CACNB1: variants seen among roughly 807,000 people sequenced by gnomAD.
CACNB1 encodes voltage-dependent L-type calcium channel subunit beta-1.
Under a neutral mutation model 71.6 loss-of-function variants are expected in CACNB1, and 29 were observed. The observed-to-expected ratio is 0.40, with a 90% CI of 0.30 to 0.55. The LOEUF is 0.55. Ranked by LOEUF, CACNB1 falls within the 20% of genes least tolerant of loss-of-function variation. The pLI, the probability that CACNB1 is intolerant of heterozygous loss-of-function variation, is 0.38. For synonymous variants in CACNB1, 300 were observed against 319.6 expected (o/e 0.94, Z 0.65); for missense variants, 623 against 801.8 (o/e 0.78, Z 2.69).
At chr17:39,195,199 C>T in intron 1 of CACNB1, 3 of 438,816 alleles carry the variant, frequency 6.8e-6, no homozygotes, top group Non-Finnish European at 1.2e-5. Flanking sequence ...GCAAGAGAGC[C>T]CCAGAAGACC....
intron 3 of CACNB1, among the ~76,000 whole-genome samples, chr17:39,190,531 G>A (rs1171518295): frequency 3.3e-5 from 5 of 152,086 alleles, no homozygotes; most frequent in Non-Finnish European, 7.4e-5. Flanking sequence ...TAGTTCAAGC[G>A]ATTCTGGTGC....
At chr17:39,176,255 C>T (rs1221978921) in intron 13 of CACNB1, among the ~76,000 whole-genome samples, 2 of 152,164 alleles carry the variant, frequency 1.3e-5, no homozygotes, top group African/African-American at 4.8e-5. Context: ...TGCTGGGTCT[C>T]CCCCTCCTAC....
chr17:39,187,917 G>A (rs1276948850), intron 3 of CACNB1, among the ~76,000 whole-genome samples: 3 of 152,122 alleles, frequency 2.0e-5, no homozygotes, highest in African/African-American at 7.2e-5. Flanking sequence ...GGAGGCTGAG[G>A]CAGGAGAGTT....
Position 39,175,107 on chromosome 17 carries a change from G to T in CACNB1, c.*86C>A. 9.0e-7 allele frequency: 1 copy of T among 1,110,020 alleles called. No individual in the cohort carries two copies. 68.8% of individuals were successfully genotyped at this position (1,110,020 alleles called of 1,614,324 possible). A position where few individuals can be genotyped will look rare whatever the true frequency, so the allele number is the denominator to read the frequency against. On this transcript the variant is annotated 3_prime_UTR_variant, in exon 14 of 14. Coordinates refer to ENST00000394303, the MANE Select transcript of CACNB1 (RefSeq NM_000723.5). The surrounding 1 kb of genome is among the most constrained non-coding windows in gnomAD (Gnocchi z 4.7). ...AAGGAGGGAGACAGCGCCCCCTGGA[G>T]GCGAATACATGTCAGGTGTGAGCCC...
Position 39,186,345 on chromosome 17 carries a change from C to T in CACNB1, c.628+151G>A. 1 of 648,330 alleles carries T rather than the reference C, an allele frequency of 1.5e-6. No individual in the cohort carries two copies. The highest frequency in any genetic ancestry group is 2.7e-6 in the Non-Finnish European group (1 of 371,086). The allele number at this position is 648,330 out of a possible 1,614,324, so 40.2% of individuals were successfully genotyped here. A position where few individuals can be genotyped will look rare whatever the true frequency, so the allele number is the denominator to read the frequency against. Reference sequence around the variant, plus strand: ...ATGACAGGCCCAGCTTGAGGGGTAGCCTACTCTTCATGGAGGGGGAACCAC... The same window carrying T: ...ATGACAGGCCCAGCTTGAGGGGTAGTCTACTCTTCATGGAGGGGGAACCAC... On this transcript the variant is annotated intron_variant, in intron 6 of 13. Coordinates refer to ENST00000394303, the MANE Select transcript of CACNB1 (RefSeq NM_000723.5). The surrounding 1 kb of genome is among the most constrained non-coding windows in gnomAD (Gnocchi z 4.1).
intron 9 of CACNB1, 26 bp downstream of exon 9, chr17:39,184,299 G>A (rs765061590): frequency 8.0e-6 from 12 of 1,492,822 alleles, no homozygotes; most frequent in Non-Finnish European, 1.0e-5. Context: ...AACGGCAGGT[G>A]CGAGGAGCAG....
chr17:39,191,755 G>A (rs2046086529), intron 2 of CACNB1, 162 bp from the exon 3 acceptor site: 2 of 645,498 alleles, frequency 3.1e-6, no homozygotes, highest in Middle Eastern at 4.0e-4. Flanking sequence ...GAAGGGACCA[G>A]GAGCTGAGAT....
intron 11 of CACNB1, among the ~76,000 whole-genome samples, chr17:39,180,431 G>A (rs2045723697): frequency 6.6e-6 from 1 of 151,966 alleles, no homozygotes; most frequent in Admixed American, 6.6e-5. Flanking sequence ...GAGACAGGTG[G>A]ATCTTTTGAG....
At chr17:39,178,301 C>T in intron 11 of CACNB1, 1 of 439,746 alleles carries the variant, frequency 2.3e-6, no homozygotes, top group Non-Finnish European at 4.1e-6. Context: ...GCCAGCCTTC[C>T]TTAGGGGCTA....
chr17:39,177,985 G>A lies in CACNB1; in HGVS notation c.1145C>T (p.Pro382Leu), dbSNP rs143114489. The change falls in exon 12 of 14, where the codon CCT becomes CTT. Residue 382 changes from proline (P) to leucine (L), a missense_variant and splice_region_variant. Transcript: ENST00000394303. ...CTTCCCTGGGATCTAGGCACTCACA[G>A]GGGGGCACTGTGCCAGCTTTTCCGA... ...AASEKLAQCP[P>L]EMFDIILDEN... is the part of the protein sequence containing the mutation. 1.2e-6 allele frequency: 2 copies of A among 1,610,708 alleles called. No individual in the cohort carries two copies. Among genetic ancestry groups the A allele is most frequent in the Non-Finnish European group, 1.7e-6 (2 of 1,176,898 alleles).
chr17:39,184,735 A>C (rs368010092), intron 8 of CACNB1, 49 bp downstream of exon 8: 19 of 1,270,192 alleles, frequency 1.5e-5, no homozygotes, highest in Non-Finnish European at 1.8e-5. Context: ...TGGGGTCTGA[A>C]GATCTTTCTA....
At position 39,184,272 on chromosome 17, in the gene CACNB1, C is replaced by A. The variant is rs1597699142; in HGVS notation, c.788+53G>T. 4.5e-6 allele frequency: 6 copies of A among 1,336,754 alleles called. No homozygotes were observed. The East Asian group carries it at 1.2e-4, about 28-fold the overall frequency. 82.8% of individuals were successfully genotyped at this position (1,336,754 alleles called of 1,614,324 possible). A position where few individuals can be genotyped will look rare whatever the true frequency, so the allele number is the denominator to read the frequency against. On this transcript the variant is annotated intron_variant, in intron 9 of 13. Transcript: ENST00000394303. ...TTGTGATTCGAGGCATCCTGCCCATCCCCAGCAGCAGAGAGCAACGGCAGG... is the reference window on the plus strand; with the variant it reads ...TTGTGATTCGAGGCATCCTGCCCATACCCAGCAGCAGAGAGCAACGGCAGG...
chr17:39,187,030 C>A (rs776379458), intron 4 of CACNB1, 101 bp from the exon 5 acceptor site: 101 of 1,318,250 alleles, frequency 7.7e-5, no homozygotes, highest in Non-Finnish European at 1.0e-4. Flanking sequence ...CACCTCCCAG[C>A]CCAGGGGTGG....
rs758788341 is a variant in CACNB1 at position 39,177,426 on chromosome 17, G to A, written c.1256C>T (p.Pro419Leu). 1.9e-6 allele frequency: 3 copies of A among 1,613,872 alleles called. No individual in the cohort carries two copies. Among genetic ancestry groups the A allele is most frequent in the East Asian group, 2.2e-5 (1 of 44,884 alleles). ...GGTGCGGTTCAGCAGCGGATTGGGT[G>A]GCGTGCTGCTGGGCGGGTGTGTGGC... is the stretch of plus-strand genomic sequence containing the variant. Reference protein sequence around the residue: ...WKATHPPSSTPPNPLLNRTMA... With the variant: ...WKATHPPSSTLPNPLLNRTMA... Residue 419 changes from proline (P) to leucine (L), a missense_variant, in exon 13 of 14, where the codon CCA becomes CTA. By Grantham distance (98) the Pro-to-Leu change is moderately conservative. Coordinates refer to ENST00000394303, the MANE Select transcript of CACNB1 (RefSeq NM_000723.5).
Position 39,175,079 on chromosome 17 carries a change from T to C in CACNB1, c.*114A>G. 2.3e-6 allele frequency: 2 copies of C among 881,816 alleles called. No homozygotes were observed. Among genetic ancestry groups the C allele is most frequent in the Non-Finnish European group, 3.6e-6 (2 of 562,908 alleles). The allele number at this position is 881,816 out of a possible 1,614,324, so 54.6% of individuals were successfully genotyped here. ...ACCCCAAGCTTTGAGCAAAGGCATC[T>C]GAAAGGAGGGAGACAGCGCCCCCTG... On this transcript the variant is annotated 3_prime_UTR_variant, in exon 14 of 14. Coordinates refer to ENST00000394303, the MANE Select transcript of CACNB1 (RefSeq NM_000723.5). This position sits in a 1 kb window ranked among gnomAD's most constrained non-coding sequence, Gnocchi z 4.7.
intron 1 of CACNB1, among the ~76,000 whole-genome samples, chr17:39,195,550 G>A (rs577821060): frequency 7.9e-5 from 12 of 152,248 alleles, no homozygotes; most frequent in African/African-American, 2.9e-4. Flanking sequence ...TGGAGACTCA[G>A]AGCCAGATTT....
intron 3 of CACNB1, among the ~76,000 whole-genome samples, chr17:39,191,061 G>A (rs188529132): frequency 1.6e-4 from 25 of 151,926 alleles, no homozygotes; most frequent in Admixed American, 5.9e-4. Context: ...AAAATTAGCC[G>A]GGCGTGGCAG....
chr17:39,175,672 G>A lies in CACNB1; in HGVS notation c.1333-15C>T. 6.5e-7 allele frequency: 1 copy of A among 1,530,840 alleles called. No homozygotes were observed. Among genetic ancestry groups the A allele is most frequent in the Non-Finnish European group, 8.8e-7 (1 of 1,132,750 alleles). 94.8% of individuals were successfully genotyped at this position (1,530,840 alleles called of 1,614,324 possible). On this transcript the variant is annotated splice_polypyrimidine_tract_variant and intron_variant, in intron 13 of 13. Transcript: ENST00000394303. The surrounding 1 kb of genome is among the most constrained non-coding windows in gnomAD (Gnocchi z 4.7). ...AGGTAGGGTCCCTGGTTAGCAGACG[G>A]ACAGCACACACCATGCAGATCAGGC...
intron 13 of CACNB1, among the ~76,000 whole-genome samples, chr17:39,176,468 T>A (rs759545732): frequency 2.6e-5 from 4 of 152,114 alleles, no homozygotes; most frequent in African/African-American, 7.2e-5. Flanking sequence ...CCTAGAGATC[T>A]GGGGTGGCAT....
Sources: allele counts gnomAD v4.1 joint callset (sites outside exome capture counted in the v4.1 genomes callset), GRCh38; gene constraint gnomAD v4.1.1; non-coding constraint Gnocchi (gnomAD v3.1); transcripts MANE v1.5; gene names NCBI Gene and HGNC (gene_info 2026-07-23, HGNC 2026-07-21).